The following B4GALNT3 variants were observed in gnomAD, a reference collection of about 807,000 sequenced individuals.
The protein encoded by B4GALNT3 is beta-1,4-N-acetyl-galactosaminyltransferase 3.
B4GALNT3 carries 86 observed loss-of-function variants against 120.2 expected under a neutral mutation model. The observed-to-expected ratio is 0.72, with a 90% CI of 0.60 to 0.86. The LOEUF is 0.86. B4GALNT3 is among the 40% of genes least tolerant of loss of function. The pLI is 0.00. For synonymous variants in B4GALNT3, 518 were observed against 510.4 expected, an observed-to-expected ratio of 1.01 and a Z score of -0.20; for missense variants, 1,167 against 1,298.9, an observed-to-expected ratio of 0.90 and a Z score of 1.56.
At chr12:510,994 C>G (rs115805081) in intron 1 of B4GALNT3, among the ~76,000 whole-genome samples, 3 of 116,014 alleles carry the variant, frequency 2.6e-5, no homozygotes, top group African/African-American at 9.5e-5. Flanking sequence ...TCCTTTTGGT[C>G]TCTATGGATT....
At chr12:544,556 T>A in intron 4 of B4GALNT3, 122 bp downstream of exon 4, 2 of 896,950 alleles carry the variant, frequency 2.2e-6, no homozygotes, top group South Asian at 1.5e-5. Context: ...TCTTGAGCTC[T>A]CTTTTTGTCT....
At chr12:461,053 C>A (rs962248690) in intron 1 of B4GALNT3, among the ~76,000 whole-genome samples, 3 of 152,146 alleles carry the variant, frequency 2.0e-5, no homozygotes, top group African/African-American at 4.8e-5. Context: ...CCTGCTGCAT[C>A]TTCTAGGGGG....
intron 1 of B4GALNT3, among the ~76,000 whole-genome samples, chr12:515,735 C>T (rs1262381109): frequency 1.3e-5 from 2 of 152,146 alleles, no homozygotes; most frequent in South Asian, 2.1e-4. Context: ...GATGTCTTAG[C>T]GCCTGACTCT....
At chr12:488,959 G>A (rs10774240) in intron 1 of B4GALNT3, among the ~76,000 whole-genome samples, 16,382 of 151,708 alleles carry the variant, frequency 0.11, 1,043 homozygotes, top group East Asian at 0.22. Flanking sequence ...TAAAATGCTC[G>A]CTTAAAACCA....
rs979916990 is a variant in B4GALNT3 at position 561,273 on chromosome 12, G to T, written c.2889-70G>T. ...GTGGGGAGCGAACAGAGGGTCTGTG[G>T]TCGATGGGGAGGGGCCCCCCAGCTG... On this transcript the variant is annotated intron_variant, in intron 19 of 19. Transcript: ENST00000266383. The T allele has an allele frequency of 8.0e-5, 94 of 1,176,510 alleles. 3 individuals are homozygous for T. The South Asian group carries it at 1.1e-3, about 14-fold the overall frequency. 72.9% of individuals were successfully genotyped at this position (1,176,510 alleles called of 1,614,324 possible).
At chr12:464,287 T>G (rs1946054999) in intron 1 of B4GALNT3, among the ~76,000 whole-genome samples, 1 of 152,190 alleles carries the variant, frequency 6.6e-6, no homozygotes, top group Admixed American at 6.5e-5. Context: ...ACAAGTTATA[T>G]ACCCATTTGT....
chr12:555,197 G>GAAA, intron 14 of B4GALNT3: 2 of 286,662 alleles, frequency 7.0e-6, no homozygotes, highest in South Asian at 2.8e-5. Context: ...GAAAAAGAAA[G>GAAA]AAAAAAAAAA....
chr12:487,430 T>C (rs1946299754), intron 1 of B4GALNT3, among the ~76,000 whole-genome samples: 1 of 152,124 alleles, frequency 6.6e-6, no homozygotes, highest in Admixed American at 6.5e-5. Context: ...AAAAAAAGTC[T>C]TGCCGTGTGT....
In B4GALNT3 at chr12:553,785, T is replaced by C; in HGVS notation, c.1862T>C (p.Val621Ala). ...GAGGAGGAAGAGGATATGAGTGAGG[T>C]GTTCGAGTACGTACCTGTGTTTGAC... ...EEEEEEDMSE[V>A]FEYVPVFDPV... Residue 621 changes from valine (V) to alanine (A), a missense_variant, in exon 14 of 20, where the codon GTG (valine) becomes GCG (alanine). By Grantham distance (64) the Val-to-Ala change is moderately conservative. Coordinates refer to ENST00000266383, the MANE Select transcript of B4GALNT3 (RefSeq NM_173593.4). The C allele has an allele frequency of 6.2e-7, 1 of 1,614,020 alleles. No homozygotes were observed. Among genetic ancestry groups the C allele is most frequent in the Non-Finnish European group, 8.5e-7 (1 of 1,179,954 alleles).
chr12:552,329 ACACACAC>A, intron 12 of B4GALNT3, 131 bp from the exon 13 acceptor site: 1 of 839,998 alleles, frequency 1.2e-6, no homozygotes, highest in East Asian at 2.8e-5. Flanking sequence ...ACACACACAC[ACACACAC>A]CCGCTCACCA....
At chr12:498,843 G>A (rs980308924) in intron 1 of B4GALNT3, among the ~76,000 whole-genome samples, 1 of 152,216 alleles carries the variant, frequency 6.6e-6, no homozygotes, top group Non-Finnish European at 1.5e-5. Context: ...CACCATTCTC[G>A]TGCATGGTAC....
At chr12:525,821 C>G (rs1221498103) in intron 1 of B4GALNT3, among the ~76,000 whole-genome samples, 1 of 152,198 alleles carries the variant, frequency 6.6e-6, no homozygotes, top group African/African-American at 2.4e-5. Context: ...GATGTTTCTG[C>G]TGAAACTACT....
chr12:490,098 A>G (rs1946327031), intron 1 of B4GALNT3, among the ~76,000 whole-genome samples: 1 of 152,242 alleles, frequency 6.6e-6, no homozygotes, highest in South Asian at 2.1e-4. Context: ...GGATGCAGTG[A>G]TAGCAGTGCT....
intron 1 of B4GALNT3, among the ~76,000 whole-genome samples, chr12:474,655 C>T (rs1254653584): frequency 1.3e-5 from 2 of 151,600 alleles, no homozygotes; most frequent in Admixed American, 6.6e-5. Context: ...CCTGTCTCTA[C>T]ATAAAATTTA....
chr12:469,657 C>A (rs761413381), intron 1 of B4GALNT3, among the ~76,000 whole-genome samples: 3 of 151,950 alleles, frequency 2.0e-5, no homozygotes, highest in African/African-American at 7.3e-5. Flanking sequence ...AAGGATTTTG[C>A]GGAGAACGAG....
intron 1 of B4GALNT3, among the ~76,000 whole-genome samples, chr12:482,618 A>G (rs918137754): frequency 3.3e-5 from 5 of 152,250 alleles, no homozygotes; most frequent in Admixed American, 3.3e-4. Context: ...CAAGGAAACC[A>G]TTCAGGAAGG....
chr12:519,584 CTT>C (rs1356516488), intron 1 of B4GALNT3, among the ~76,000 whole-genome samples: 1 of 140,276 alleles, frequency 7.1e-6, no homozygotes, highest in East Asian at 2.2e-4. Flanking sequence ...AAGCGTCTCT[CTT>C]TTCCTTTCTG....
intron 1 of B4GALNT3, among the ~76,000 whole-genome samples, chr12:527,466 A>C (rs1404971425): frequency 6.6e-6 from 1 of 152,246 alleles, no homozygotes; most frequent in African/African-American, 2.4e-5. Context: ...CTAGCTTGGC[A>C]GGAAGCTGGG....
chr12:500,020 A>C (rs940592593), intron 1 of B4GALNT3, among the ~76,000 whole-genome samples: 4 of 152,158 alleles, frequency 2.6e-5, no homozygotes, highest in African/African-American at 9.7e-5. Context: ...CTTGCTGGCC[A>C]TTCTCTTGTT....
Sources: allele counts gnomAD v4.1 joint callset (sites outside exome capture counted in the v4.1 genomes callset), GRCh38; gene constraint gnomAD v4.1.1; transcripts MANE v1.5; gene names NCBI Gene and HGNC (gene_info 2026-07-23, HGNC 2026-07-21).